CSNK2A2IP: variants seen among roughly 807,000 people sequenced by gnomAD.
The protein encoded by CSNK2A2IP is casein kinase II subunit alpha'-interacting protein.
the CSNK2A2IP span, among the ~76,000 whole-genome samples, chr3:88,400,389 G>T: frequency 2.6e-5 from 4 of 152,062 alleles, no homozygotes; most frequent in African/African-American, 9.7e-5. Flanking sequence ...CAGGAGAAAG[G>T]GGTGGTAGGC....
the CSNK2A2IP span, among the ~76,000 whole-genome samples, chr3:88,464,418 T>C: frequency 6.6e-6 from 1 of 151,688 alleles, no homozygotes; most frequent in Non-Finnish European, 1.5e-5. Context: ...GACCTGGTAA[T>C]ATAACTCTTA....
chr3:88,360,360 C>T, the CSNK2A2IP span, among the ~76,000 whole-genome samples: 3 of 152,050 alleles, frequency 2.0e-5, no homozygotes, highest in Non-Finnish European at 4.4e-5. Context: ...GTCTCGATCT[C>T]CTGACCTTGT....
At chr3:88,442,779 T>G in the CSNK2A2IP span, among the ~76,000 whole-genome samples, 3 of 152,012 alleles carry the variant, frequency 2.0e-5, no homozygotes, top group Admixed American at 2.0e-4. Context: ...AAAATCAGAA[T>G]ATGACAATTC....
chr3:88,341,910 T>G, the CSNK2A2IP span, among the ~76,000 whole-genome samples: 1 of 151,984 alleles, frequency 6.6e-6, no homozygotes, highest in East Asian at 1.9e-4. Flanking sequence ...GTGTTTTTAC[T>G]TAGTGTTTTG....
At chr3:88,433,269 G>GTT in the CSNK2A2IP span, among the ~76,000 whole-genome samples, 3 of 151,644 alleles carry the variant, frequency 2.0e-5, no homozygotes, top group Non-Finnish European at 2.9e-5. Flanking sequence ...CCTTTGTTCT[G>GTT]TTTTTTCTGT....
the CSNK2A2IP span, among the ~76,000 whole-genome samples, chr3:88,347,618 A>G: frequency 1.3e-5 from 2 of 152,064 alleles, no homozygotes; most frequent in African/African-American, 4.8e-5. Context: ...TGCACAATTA[A>G]TAGACTACAG....
chr3:88,446,318 G>A, the CSNK2A2IP span, among the ~76,000 whole-genome samples: 1 of 151,810 alleles, frequency 6.6e-6, no homozygotes, highest in African/African-American at 2.4e-5. Context: ...TCGAACTCCT[G>A]ACCTTGTGAT....
the CSNK2A2IP span, among the ~76,000 whole-genome samples, chr3:88,407,851 G>A: frequency 1.3e-5 from 2 of 151,876 alleles, no homozygotes; most frequent in Non-Finnish European, 2.9e-5. Context: ...AGCCTCCCGA[G>A]TAGCTGGGAT....
At chr3:88,366,150 G>T in the CSNK2A2IP span, among the ~76,000 whole-genome samples, 1 of 152,080 alleles carries the variant, frequency 6.6e-6, no homozygotes, top group African/African-American at 2.4e-5. Context: ...TTTGCTCCTT[G>T]GCAGAGGATT....
At chr3:88,365,352 A>T in the CSNK2A2IP span, among the ~76,000 whole-genome samples, 1 of 152,162 alleles carries the variant, frequency 6.6e-6, no homozygotes, top group Admixed American at 6.6e-5. Flanking sequence ...ATTTATGGAC[A>T]TTCAGATCAC....
the CSNK2A2IP span, among the ~76,000 whole-genome samples, chr3:88,365,092 C>T: frequency 6.6e-6 from 1 of 152,078 alleles, no homozygotes; most frequent in Admixed American, 6.6e-5. Context: ...ATCCAAGCAG[C>T]CTGATTTAAG....
chr3:88,343,446 TG>T, the CSNK2A2IP span, among the ~76,000 whole-genome samples: 5 of 151,986 alleles, frequency 3.3e-5, no homozygotes, highest in Admixed American at 6.6e-5. Context: ...TTGACAGAAA[TG>T]GCCATATTCT....
the CSNK2A2IP span, among the ~76,000 whole-genome samples, chr3:88,460,940 A>G: frequency 6.6e-6 from 1 of 152,064 alleles, no homozygotes; most frequent in African/African-American, 2.4e-5. Flanking sequence ...ACAAAAAATT[A>G]GCTGGGCGTG....
chr3:88,383,651 C>CTTTTT, the CSNK2A2IP span, among the ~76,000 whole-genome samples: 5 of 88,550 alleles, frequency 5.6e-5, no homozygotes, highest in African/African-American at 2.3e-4. Context: ...TCTTTTCTTT[C>CTTTTT]TTTTTTTTTT....
At chr3:88,445,933 CCTTT>C in the CSNK2A2IP span, among the ~76,000 whole-genome samples, 89 of 139,692 alleles carry the variant, frequency 6.4e-4, no homozygotes, top group African/African-American at 1.9e-3. Flanking sequence ...TTTCTTTCTT[CCTTT>C]CTTTCTTTCT....
the CSNK2A2IP span, among the ~76,000 whole-genome samples, chr3:88,393,962 G>A: frequency 6.6e-6 from 1 of 152,120 alleles, no homozygotes; most frequent in African/African-American, 2.4e-5. Context: ...GCAGCGCTAG[G>A]GGACAATGAT....
chr3:88,466,894 G>C, the CSNK2A2IP span: 1 of 1,226,050 alleles, frequency 8.2e-7, no homozygotes, highest in Non-Finnish European at 1.0e-6. Flanking sequence ...CAATTCTGAG[G>C]GCAAAATAGA....
chr3:88,359,665 T>C, the CSNK2A2IP span, among the ~76,000 whole-genome samples: 4 of 152,182 alleles, frequency 2.6e-5, no homozygotes, highest in African/African-American at 9.6e-5. Context: ...CAAGTGTTTG[T>C]ATGGTTTCCA....
the CSNK2A2IP span, among the ~76,000 whole-genome samples, chr3:88,433,552 A>G: frequency 6.6e-6 from 1 of 152,188 alleles, no homozygotes; most frequent in African/African-American, 2.4e-5. Flanking sequence ...AAATTTAAAT[A>G]GCACAACTTT....
Sources: allele counts gnomAD v4.1 joint callset (sites outside exome capture counted in the v4.1 genomes callset), GRCh38; gene constraint gnomAD v4.1.1; transcripts MANE v1.5; gene names NCBI Gene and HGNC (gene_info 2026-07-23, HGNC 2026-07-21).